ZNF385D: variants seen among roughly 807,000 people sequenced by gnomAD.
ZNF385D encodes zinc finger protein 385D.
A neutral mutation model predicts 35.8 loss-of-function variants in ZNF385D; 15 were observed. That is an observed-to-expected ratio of 0.42 (90% CI 0.28 to 0.64). The LOEUF is 0.64. ZNF385D is among the 30% of genes least tolerant of loss of function. The pLI, the probability that ZNF385D is intolerant of heterozygous loss-of-function variation, is 0.23. For synonymous variants in ZNF385D, 212 were observed against 186.8 expected, an observed-to-expected ratio of 1.13 and a Z score of -1.10; for missense variants, 474 against 494.6, an observed-to-expected ratio of 0.96 and a Z score of 0.39.
At chr3:21,584,521 C>G (rs2063757154) in intron 2 of ZNF385D, among the ~76,000 whole-genome samples, 1 of 152,078 alleles carries the variant, frequency 6.6e-6, no homozygotes, top group Admixed American at 6.5e-5. Flanking sequence ...CTTTTTTATG[C>G]TTTCAATACT....
chr3:22,223,828 A>C (rs534864166), intron 2 of ZNF385D, among the ~76,000 whole-genome samples: 11 of 152,218 alleles, frequency 7.2e-5, no homozygotes, highest in Admixed American at 5.9e-4. Context: ...GAAGCTCTAC[A>C]TTTTCATGTA....
chr3:21,881,179 A>C (rs9823310), intron 3 of ZNF385D, among the ~76,000 whole-genome samples: 4 of 151,780 alleles, frequency 2.6e-5, no homozygotes, highest in African/African-American at 7.2e-5. Context: ...ACAGATTCTC[A>C]GTGTAGACAA....
intron 3 of ZNF385D, among the ~76,000 whole-genome samples, chr3:22,066,153 TC>T (rs1329735152): frequency 1.3e-5 from 2 of 152,120 alleles, no homozygotes; most frequent in African/African-American, 2.4e-5. Context: ...CCATTTTTTT[TC>T]TGATGCATAT....
intron 3 of ZNF385D, among the ~76,000 whole-genome samples, chr3:22,133,004 A>T (rs1025942703): frequency 4.6e-5 from 7 of 152,160 alleles, no homozygotes; most frequent in African/African-American, 1.7e-4. Flanking sequence ...TGAAAGGGTT[A>T]GACTAGAAAA....
chr3:22,034,026 A>G (rs541111350), intron 3 of ZNF385D, among the ~76,000 whole-genome samples: 1 of 152,126 alleles, frequency 6.6e-6, no homozygotes, highest in Non-Finnish European at 1.5e-5. Flanking sequence ...GCTTTCAGAG[A>G]ACCCTGTAAG....
At chr3:21,730,413 C>T (rs138872281) in intron 1 of ZNF385D, among the ~76,000 whole-genome samples, 174 of 152,274 alleles carry the variant, frequency 1.1e-3, no homozygotes, top group African/African-American at 4.0e-3. Context: ...TAAAAGAATA[C>T]ATTTATTATC....
chr3:22,283,844 A>G (rs1187467327), intron 2 of ZNF385D, among the ~76,000 whole-genome samples: 2 of 152,174 alleles, frequency 1.3e-5, no homozygotes, highest in African/African-American at 4.8e-5. Flanking sequence ...TCTCCTCACA[A>G]GAAAGGAAGA....
chr3:22,327,843 T>C (rs1166568914), intron 2 of ZNF385D, among the ~76,000 whole-genome samples: 1 of 152,204 alleles, frequency 6.6e-6, no homozygotes, highest in African/African-American at 2.4e-5. Context: ...GAAGAGAACA[T>C]TGCTATTTCT....
At chr3:21,770,499 C>T (rs2071030561) in intron 3 of ZNF385D, among the ~76,000 whole-genome samples, 1 of 152,184 alleles carries the variant, frequency 6.6e-6, no homozygotes, top group Non-Finnish European at 1.5e-5. Context: ...TGCTCACCAT[C>T]ACTGGCCATC....
At chr3:22,336,807 C>T (rs547900437) in intron 2 of ZNF385D, among the ~76,000 whole-genome samples, 99 of 145,280 alleles carry the variant, frequency 6.8e-4, no homozygotes, top group African/African-American at 2.3e-3. Context: ...TATGTAGGAC[C>T]AGAGTGTTTA....
intron 3 of ZNF385D, among the ~76,000 whole-genome samples, chr3:21,851,460 C>A (rs1696383603): frequency 6.6e-6 from 1 of 151,950 alleles, no homozygotes; most frequent in African/African-American, 2.4e-5. Flanking sequence ...AAAACAAAAA[C>A]TTGTACATGA....
At chr3:21,592,089 T>C (rs2063991440) in intron 2 of ZNF385D, among the ~76,000 whole-genome samples, 1 of 152,180 alleles carries the variant, frequency 6.6e-6, no homozygotes, top group Non-Finnish European at 1.5e-5. Context: ...ATAGGCATGC[T>C]GTGGCGATTA....
intron 5 of ZNF385D, among the ~76,000 whole-genome samples, chr3:21,428,278 C>G (rs879410511): frequency 5.9e-5 from 9 of 151,986 alleles, no homozygotes; most frequent in Non-Finnish European, 1.3e-4. Flanking sequence ...AAATTTTTTA[C>G]CTGCTCACAG....
chr3:21,923,612 G>A (rs973083238), intron 3 of ZNF385D, among the ~76,000 whole-genome samples: 3 of 152,184 alleles, frequency 2.0e-5, no homozygotes, highest in African/African-American at 7.2e-5. Context: ...CAACCTAGGT[G>A]TTTATCAGTG....
At chr3:22,324,414 A>G (rs1433983984) in intron 2 of ZNF385D, among the ~76,000 whole-genome samples, 2 of 152,170 alleles carry the variant, frequency 1.3e-5, no homozygotes. Context: ...AGACAACTCA[A>G]TCACTCTTCT....
chr3:21,513,359 T>C (rs578166926), intron 3 of ZNF385D, among the ~76,000 whole-genome samples: 8 of 152,120 alleles, frequency 5.3e-5, no homozygotes, highest in Non-Finnish European at 1.2e-4. Flanking sequence ...TGACCAGAAG[T>C]TGATAGGCTC....
intron 3 of ZNF385D, among the ~76,000 whole-genome samples, chr3:21,891,334 A>G (rs2244467): frequency 0.22 from 33,979 of 151,956 alleles, 3,837 homozygotes; most frequent in Middle Eastern, 0.3. Flanking sequence ...AAAAAAATAT[A>G]AAAAAATACA....
intron 2 of ZNF385D, among the ~76,000 whole-genome samples, chr3:22,254,568 C>T (rs931712893): frequency 6.6e-6 from 1 of 151,650 alleles, no homozygotes; most frequent in Non-Finnish European, 1.5e-5. Flanking sequence ...AGTAGTACCC[C>T]CTTATCTATA....
chr3:21,735,759 G>C (rs541822742), intron 1 of ZNF385D, among the ~76,000 whole-genome samples: 1 of 152,270 alleles, frequency 6.6e-6, no homozygotes, highest in African/African-American at 2.4e-5. Context: ...GCAGGTAATT[G>C]GAGAATATCT....
Sources: gnomAD v4.1 joint callset for allele counts (sites outside exome capture counted in the v4.1 genomes callset) on GRCh38, gnomAD v4.1.1 for gene constraint, MANE v1.5 for transcripts, NCBI Gene and HGNC (gene_info 2026-07-23, HGNC 2026-07-21) for gene names.